The following RAB3B variants were observed in gnomAD, a reference collection of about 807,000 sequenced individuals.
RAB3B encodes the protein RAB3B, member RAS oncogene family, also known as ras-related protein Rab-3B.
In RAB3B, 11 loss-of-function variants were observed where a neutral mutation model predicts 20.5. That is an observed-to-expected ratio of 0.54 (90% confidence interval 0.34 to 0.89). The LOEUF (loss-of-function observed/expected upper bound fraction) is 0.89. Ranked by LOEUF, RAB3B falls within the 40% of genes least tolerant of loss-of-function variation. RAB3B has a pLI of 0.02. For missense variants in RAB3B, 225 were observed against 280.9 expected (o/e 0.80, Z 1.42); for synonymous variants, 99 against 106.3 (o/e 0.93, Z 0.42).
intron 1 of RAB3B, among the ~76,000 whole-genome samples, chr1:51,981,543 C>A (rs1260896309): frequency 6.6e-6 from 1 of 152,034 alleles, no homozygotes; most frequent in African/African-American, 2.4e-5. Context: ...AATAACATAC[C>A]ATGCATTCTA....
At chr1:51,936,480 T>A (rs1404413771) in intron 3 of RAB3B, among the ~76,000 whole-genome samples, 2 of 152,174 alleles carry the variant, frequency 1.3e-5, no homozygotes, top group Admixed American at 6.5e-5. Flanking sequence ...GAAACACAAA[T>A]GTGAACCTGT....
intron 2 of RAB3B, among the ~76,000 whole-genome samples, chr1:51,962,381 T>C (rs1386095342): frequency 6.6e-6 from 1 of 152,146 alleles, no homozygotes; most frequent in Non-Finnish European, 1.5e-5. Context: ...ATGTGTGAAG[T>C]CAAGAGGGAT....
chr1:51,987,600 T>C (rs947377140), intron 1 of RAB3B, among the ~76,000 whole-genome samples: 1 of 152,240 alleles, frequency 6.6e-6, no homozygotes, highest in Non-Finnish European at 1.5e-5. Context: ...CTATCATTTA[T>C]TACCTATGAG....
At chr1:51,977,435 C>G (rs533688907) in intron 1 of RAB3B, among the ~76,000 whole-genome samples, 1 of 152,224 alleles carries the variant, frequency 6.6e-6, no homozygotes, top group South Asian at 2.1e-4. Context: ...TGGACAAAAA[C>G]TAGAATAAAA....
intron 2 of RAB3B, among the ~76,000 whole-genome samples, chr1:51,942,412 G>C (rs185794087): frequency 6.9e-4 from 105 of 152,286 alleles, no homozygotes; most frequent in Middle Eastern, 6.8e-3. Context: ...AGTACTACCA[G>C]TACGTAGCAC....
At chr1:51,921,103 A>G (rs1684166400) in intron 4 of RAB3B, among the ~76,000 whole-genome samples, 1 of 152,198 alleles carries the variant, frequency 6.6e-6, no homozygotes, top group Non-Finnish European at 1.5e-5. Context: ...TTTCCACCCA[A>G]GGAATCTTGG....
At chr1:51,923,995 G>T (rs754081084) in intron 4 of RAB3B, among the ~76,000 whole-genome samples, 5 of 152,088 alleles carry the variant, frequency 3.3e-5, no homozygotes, top group Non-Finnish European at 5.9e-5. Flanking sequence ...TACCCTGCAT[G>T]GCAGAAGTCC....
intron 1 of RAB3B, among the ~76,000 whole-genome samples, chr1:51,983,877 T>C (rs1193806272): frequency 1.3e-5 from 2 of 151,958 alleles, no homozygotes; most frequent in Non-Finnish European, 2.9e-5. Flanking sequence ...CAAAAATTGC[T>C]TGAACCCAGG....
intron 1 of RAB3B, among the ~76,000 whole-genome samples, chr1:51,989,103 G>GCGCGCGCACACACA (rs377673682): frequency 4.5e-5 from 6 of 132,762 alleles, no homozygotes; most frequent in African/African-American, 1.7e-4. Flanking sequence ...CTGTGCGCGC[G>GCGCGCGCACACACA]CACACACACA....
At chr1:51,937,473 C>T (rs544946852) in intron 2 of RAB3B, 61 bp from the exon 3 acceptor site, 2 of 1,201,556 alleles carry the variant, frequency 1.7e-6, no homozygotes, top group East Asian at 2.5e-5. Context: ...CTAAAAAGTC[C>T]CCAGGACAAT....
At chr1:51,940,274 T>A (rs1317082408) in intron 2 of RAB3B, among the ~76,000 whole-genome samples, 1 of 152,096 alleles carries the variant, frequency 6.6e-6, no homozygotes, top group East Asian at 1.9e-4. Flanking sequence ...TAACAGCAAA[T>A]TGATAATTAG....
At chr1:51,967,619 T>C (rs1288618855) in intron 2 of RAB3B, among the ~76,000 whole-genome samples, 1 of 145,910 alleles carries the variant, frequency 6.9e-6, no homozygotes, top group Non-Finnish European at 1.5e-5. Flanking sequence ...CCTCCCAGGC[T>C]CAAGTGATCC....
At chr1:51,938,360 A>T (rs925989380) in intron 2 of RAB3B, among the ~76,000 whole-genome samples, 2 of 152,020 alleles carry the variant, frequency 1.3e-5, no homozygotes, top group African/African-American at 4.8e-5. Context: ...AATTAGAAAA[A>T]TTTTCCCTAT....
intron 2 of RAB3B, among the ~76,000 whole-genome samples, chr1:51,954,635 A>G (rs994430946): frequency 2.6e-5 from 4 of 152,104 alleles, no homozygotes; most frequent in Non-Finnish European, 5.9e-5. Flanking sequence ...TATTCTCCCT[A>G]CTCGAGTGTG....
At chr1:51,929,994 C>T (rs1483552589) in intron 4 of RAB3B, among the ~76,000 whole-genome samples, 4 of 152,130 alleles carry the variant, frequency 2.6e-5, no homozygotes, top group Non-Finnish European at 5.9e-5. Context: ...AGACACAATC[C>T]ATGCAGTAGA....
chr1:51,967,521 C>CTTTTCTTTTTTTTTTTTT (rs1684870734), intron 2 of RAB3B, among the ~76,000 whole-genome samples: 1 of 36,496 alleles, frequency 2.7e-5, no homozygotes, highest in African/African-American at 6.8e-5. Context: ...TTTTCTTTTT[C>CTTTTCTTTTTTTTTTTTT]TTTTTTTTTT....
Position 51,976,392 on chromosome 1 carries a change from C to CTTA in RAB3B, c.228+495_228+497dup, listed in dbSNP as rs141323858. ...ATGTTGCCCAGTCTGGCACTATGAACTTATGAAGTGATTTGTTATACGACA... is the reference window on the plus strand; with the variant it reads ...ATGTTGCCCAGTCTGGCACTATGAACTTATTATGAAGTGATTTGTTATACGACA... On this transcript the variant is annotated intron_variant, in intron 2 of 4. Coordinates refer to ENST00000371655, the MANE Select transcript of RAB3B (RefSeq NM_002867.4). Among the ~76,000 whole-genome samples, 454 of 152,174 alleles carry CTTA rather than the reference C, an allele frequency of 3.0e-3. 3 individuals carry two copies. The highest frequency in any genetic ancestry group is 0.01 in the African/African-American group (427 of 41,486).
At chr1:51,922,799 C>T (rs999511670) in intron 4 of RAB3B, among the ~76,000 whole-genome samples, 7 of 152,122 alleles carry the variant, frequency 4.6e-5, no homozygotes, top group East Asian at 1.9e-4. Context: ...CGGGTTCAAG[C>T]GATTTTCCTG....
intron 3 of RAB3B, among the ~76,000 whole-genome samples, chr1:51,937,089 C>T (rs562266082): frequency 1.3e-5 from 2 of 152,302 alleles, no homozygotes; most frequent in African/African-American, 2.4e-5. Flanking sequence ...GCTGGGATTA[C>T]AGGCGTGAGC....
Sources: allele counts gnomAD v4.1 joint callset (sites outside exome capture counted in the v4.1 genomes callset), GRCh38; gene constraint gnomAD v4.1.1; transcripts MANE v1.5; gene names NCBI Gene and HGNC (gene_info 2026-07-23, HGNC 2026-07-21).